Variants in TBC1D17 observed in about 807,000 individuals in gnomAD.
The protein encoded by TBC1D17 is TBC1 domain family, member 17.
TBC1D17 carries 69 observed loss-of-function variants against 78.8 expected under a neutral mutation model. That is an observed-to-expected ratio of 0.88 (90% CI 0.72 to 1.07). The LOEUF (loss-of-function observed/expected upper bound fraction) is 1.07, where lower values mean the gene tolerates loss of function less well. Ranked by LOEUF, TBC1D17 falls within the 50% of genes least tolerant of loss-of-function variation. The pLI is 0.00. For missense variants in TBC1D17, 957 were observed against 861.0 expected (o/e 1.11, Z -1.39); for synonymous variants, 456 against 358.3 (o/e 1.27, Z -3.08).
Position 49,878,484 on chromosome 19 carries a change from C to T in TBC1D17, c.121-14C>T, listed in dbSNP as rs761276190. On this transcript the variant is annotated splice_polypyrimidine_tract_variant and intron_variant, in intron 2 of 16. Coordinates refer to ENST00000221543, the MANE Select transcript of TBC1D17 (RefSeq NM_024682.3). ...TGGGGAGCGCCTCTAACCCCGCCTCCCTCCTTACCCTAGGACAATGACGTC... is the reference window on the plus strand; with the variant it reads ...TGGGGAGCGCCTCTAACCCCGCCTCTCTCCTTACCCTAGGACAATGACGTC... The T allele has an allele frequency of 3.7e-6, 6 of 1,612,616 alleles. No homozygotes were observed. In the East Asian group the frequency reaches 1.3e-4, roughly 36 times the overall value.
chr19:49,883,610 G>C, intron 9 of TBC1D17, 41 bp from the exon 10 acceptor site: 3 of 1,582,944 alleles, frequency 1.9e-6, no homozygotes, highest in Non-Finnish European at 2.6e-6. Context: ...GGGTGTTGCA[G>C]ACAGTGGCGG....
intron 13 of TBC1D17, chr19:49,886,463 C>T (rs566295923): frequency 6.6e-6 from 1 of 152,162 alleles, no homozygotes; most frequent in Non-Finnish European, 1.5e-5. Context: ...GGCACAAGGA[C>T]AGAGGCTGCC....
chr19:49,882,468 C>G (rs1158138630), intron 7 of TBC1D17, 68 bp downstream of exon 7: 6 of 1,553,826 alleles, frequency 3.9e-6, no homozygotes, highest in Non-Finnish European at 5.2e-6. Context: ...TTTCATTTCC[C>G]TGGGCCTCAG....
Position 49,884,456 on chromosome 19 carries a change from C to T in TBC1D17, c.1244-3C>T, listed in dbSNP as rs112374050. The stretch of plus-strand genomic sequence containing the variant: ...GCTGCAGCCTGACCCCATGTCCCCC[C>T]AGGCTACGTCCAGGGCATGAGTGAT... On this transcript the variant is annotated splice_polypyrimidine_tract_variant and splice_region_variant and intron_variant, in intron 11 of 16. Transcript: ENST00000221543. 8 of 1,614,004 alleles carry T rather than the reference C, an allele frequency of 5.0e-6. No individual in the cohort carries two copies. Among genetic ancestry groups the T allele is most frequent in the Non-Finnish European group, 5.9e-6 (7 of 1,180,000 alleles).
At position 49,888,486 on chromosome 19, in the gene TBC1D17, C is replaced by G. The variant is rs1487069927; in HGVS notation, c.1809C>G (p.Pro603=). ...CCCCGCCCGCAGAGCCCCACAGCCC[C>G]TCGCCCACCGCCTCCCCGCTGCCTC... The part of the protein sequence containing the change: ...GLAPPAEPHS[P]SPTASPLPLS... The change falls in exon 17 of 17, where the codon CCC becomes CCG. Residue 603 remains proline, a synonymous_variant. Coordinates refer to ENST00000221543, the MANE Select transcript of TBC1D17 (RefSeq NM_024682.3). 3 of 1,585,740 alleles carry G rather than the reference C, an allele frequency of 1.9e-6. No individual in the cohort carries two copies. In the African/African-American group the frequency reaches 4.0e-5, roughly 21 times the overall value.
At chr19:49,880,011 G>T (rs2122428968) in intron 3 of TBC1D17, among the ~76,000 whole-genome samples, 1 of 151,934 alleles carries the variant, frequency 6.6e-6, no homozygotes. Flanking sequence ...GCGCCACCAT[G>T]CCTGGCTAAT....
chr19:49,884,403 G>T (rs779228661), intron 11 of TBC1D17, 34 bp downstream of exon 11: 2 of 1,613,910 alleles, frequency 1.2e-6, no homozygotes, highest in Non-Finnish European at 1.7e-6. Flanking sequence ...GCGTGGCCGG[G>T]GCTGTCCAGG....
At chr19:49,886,078 G>A (rs543483188) in intron 13 of TBC1D17, among the ~76,000 whole-genome samples, 5 of 150,742 alleles carry the variant, frequency 3.3e-5, no homozygotes, top group South Asian at 4.2e-4. Flanking sequence ...TCAGGAGTTC[G>A]AGACCAGCCT....
In TBC1D17 at chr19:49,883,189, C is replaced by T. The variant is rs959283176; in HGVS notation, c.1031+113C>T. ...TGAACCTGCTGTATCTGGGCACCAT[C>T]CTGCGCCTGTGGAATACGGCAATGA... On this transcript the variant is annotated intron_variant, in intron 9 of 16. Coordinates refer to ENST00000221543, the MANE Select transcript of TBC1D17 (RefSeq NM_024682.3). 4 of 934,288 alleles carry T rather than the reference C, an allele frequency of 4.3e-6. No homozygotes were observed. The African/African-American group carries it at 5.0e-5, about 12-fold the overall frequency. 57.9% of individuals were successfully genotyped at this position (934,288 alleles called of 1,614,324 possible).
chr19:49,881,723 T>C (rs1326803698), intron 5 of TBC1D17, among the ~76,000 whole-genome samples: 2 of 152,184 alleles, frequency 1.3e-5, no homozygotes, highest in Non-Finnish European at 2.9e-5. Context: ...CCAGTATCCG[T>C]GGCTTAACAA....
chr19:49,888,187 G>A, intron 15 of TBC1D17, 44 bp from the exon 16 acceptor site: 1 of 1,553,572 alleles, frequency 6.4e-7, no homozygotes. Context: ...CTCGGGCGGA[G>A]GTGGTTGAGT....
intron 3 of TBC1D17, chr19:49,879,235 C>G (rs945611208): frequency 6.6e-6 from 1 of 152,364 alleles, no homozygotes; most frequent in African/African-American, 2.4e-5. Flanking sequence ...GAACAACCTT[C>G]AAGGCACACG....
At chr19:49,888,087 A>T in intron 15 of TBC1D17, 144 bp from the exon 16 acceptor site, 1 of 1,331,654 alleles carries the variant, frequency 7.5e-7, no homozygotes, top group Non-Finnish European at 1.0e-6. Context: ...GAGGCCTGAG[A>T]AGCATGTCTC....
At chr19:49,885,974 C>CAAA (rs972298479) in intron 13 of TBC1D17, among the ~76,000 whole-genome samples, 29 of 43,470 alleles carry the variant, frequency 6.7e-4, no homozygotes, top group African/African-American at 1.1e-3. Context: ...GACCTTGCCT[C>CAAA]AAAAAAAAAA....
At position 49,888,362 on chromosome 19, in the gene TBC1D17, GA is replaced by G. The variant is rs2075083167; in HGVS notation, c.1746+46del. 1.6e-5 allele frequency: 5 copies of G among 314,328 alleles called. 1 individual carries two copies. The South Asian group carries it at 2.2e-4, about 14-fold the overall frequency. 19.5% of individuals were successfully genotyped at this position (314,328 alleles called of 1,614,324 possible). ...GCAGCGCCCCGCCCGAACCCCGACC[GA>G]CCCCCGCCCCCTTCTCACCTTCACC... On this transcript the variant is annotated intron_variant, in intron 16 of 16. Coordinates refer to ENST00000221543, the MANE Select transcript of TBC1D17 (RefSeq NM_024682.3).
At chr19:49,886,456 A>G (rs2075059191) in intron 13 of TBC1D17, 1 of 152,164 alleles carries the variant, frequency 6.6e-6, no homozygotes, top group African/African-American at 2.4e-5. Context: ...CTCCTAGGGC[A>G]CAAGGACAGA....
chr19:49,885,974 CA>C (rs972298479), intron 13 of TBC1D17, among the ~76,000 whole-genome samples: 1,836 of 43,604 alleles, frequency 0.042, 15 homozygotes, highest in African/African-American at 0.11. Flanking sequence ...GACCTTGCCT[CA>C]AAAAAAAAAA....
At chr19:49,879,380 T>C (rs1005114890) in intron 3 of TBC1D17, 16 of 152,268 alleles carry the variant, frequency 1.1e-4, no homozygotes, top group Non-Finnish European at 1.9e-4. Flanking sequence ...AAGGCTGAGC[T>C]GACCACCTGC....
At chr19:49,878,782 G>A in intron 3 of TBC1D17, 2 of 575,198 alleles carry the variant, frequency 3.5e-6, no homozygotes, top group South Asian at 4.3e-5. Flanking sequence ...GGGAGCATAA[G>A]ACGCACGGTC....
Sources: allele counts gnomAD v4.1 joint callset (sites outside exome capture counted in the v4.1 genomes callset), GRCh38; gene constraint gnomAD v4.1.1; transcripts MANE v1.5; gene names NCBI Gene and HGNC (gene_info 2026-07-23, HGNC 2026-07-21).